CPA4: variants seen among roughly 807,000 people sequenced by gnomAD.
CPA4 encodes the protein carboxypeptidase A4, also known as carboxypeptidase A3.
CPA4 carries 49 observed loss-of-function variants against 54.7 expected under a neutral mutation model. The observed-to-expected ratio is 0.90, with a 90% CI of 0.71 to 1.14. The LOEUF (loss-of-function observed/expected upper bound fraction) is 1.14. Among genes scored for constraint, CPA4 ranks in the 50% most tolerant of loss-of-function variants. The pLI, the probability that CPA4 is intolerant of heterozygous loss-of-function variation, is 0.00. For missense variants in CPA4, 487 were observed against 525.1 expected, an observed-to-expected ratio of 0.93 and a Z score of 0.71; for synonymous variants, 215 against 206.8, an observed-to-expected ratio of 1.04 and a Z score of -0.34.
At chr7:130,293,648 C>A in intron 1 of CPA4, 1 of 204,664 alleles carries the variant, frequency 4.9e-6, no homozygotes, top group South Asian at 7.8e-5. Context: ...TTCCGCCATG[C>A]ATAAAGGGAA....
rs142868303 is a variant in CPA4, at chr7:130,300,175, A to G, written c.286-641A>G. ...GTTATAAGAATTTCTTTGTTTCTGA[A>G]TGGTTTCCCAAGCTGTGTATTTCAG... is the stretch of plus-strand genomic sequence containing the variant. On this transcript the variant is annotated intron_variant, in intron 3 of 10. Coordinates refer to ENST00000222482, the MANE Select transcript of CPA4 (RefSeq NM_016352.4). Among the ~76,000 whole-genome samples the G allele has an allele frequency of 8.3e-3, 1,261 of 152,134 alleles. 16 individuals are homozygous for G. The highest frequency in any genetic ancestry group is 0.028 in the African/African-American group (1,143 of 41,490).
intron 1 of CPA4, 46 bp downstream of exon 1, chr7:130,293,294 G>A: frequency 9.4e-7 from 1 of 1,069,124 alleles, no homozygotes; most frequent in Admixed American, 1.7e-5. Context: ...AGAAATATGG[G>A]AGCCAAATGG....
intron 8 of CPA4, among the ~76,000 whole-genome samples, chr7:130,309,552 GA>G (rs1793879968): frequency 6.6e-6 from 1 of 152,146 alleles, no homozygotes; most frequent in South Asian, 2.1e-4. Context: ...ACCCTCCACA[GA>G]AGTGCCGACT....
At chr7:130,305,533 C>T (rs1040602913) in intron 5 of CPA4, among the ~76,000 whole-genome samples, 4 of 152,226 alleles carry the variant, frequency 2.6e-5, no homozygotes, top group Non-Finnish European at 4.4e-5. Flanking sequence ...AACATTATCT[C>T]TAATGGCACC....
intron 10 of CPA4, among the ~76,000 whole-genome samples, chr7:130,319,695 G>T (rs1794056464): frequency 6.6e-6 from 1 of 152,168 alleles, no homozygotes; most frequent in African/African-American, 2.4e-5. Flanking sequence ...GGGCGGAGCT[G>T]TACAGGAACA....
rs1197423716 is a variant in CPA4 at position 130,293,179 on chromosome 7, A to G, written c.-2A>G. The G allele has an allele frequency of 1.2e-6, 2 of 1,605,714 alleles. No individual in the cohort carries two copies. The highest frequency in any genetic ancestry group is 1.7e-6 in the Non-Finnish European group (2 of 1,172,526). ...CCACTGTATGACTGACTCCCCGGGG[A>G]CATGAGGTGGATACTGTTCATTGGG... On this transcript the variant is annotated 5_prime_UTR_variant, in exon 1 of 11. Coordinates refer to ENST00000222482, the MANE Select transcript of CPA4 (RefSeq NM_016352.4).
intron 5 of CPA4, 44 bp downstream of exon 5, chr7:130,304,623 C>T (rs1419632737): frequency 1.7e-6 from 2 of 1,152,264 alleles, no homozygotes; most frequent in East Asian, 4.7e-5. Flanking sequence ...GTCCTCATGC[C>T]CAGGACCCAG....
intron 5 of CPA4, among the ~76,000 whole-genome samples, chr7:130,305,258 A>G (rs1793802060): frequency 6.6e-6 from 1 of 152,172 alleles, no homozygotes; most frequent in South Asian, 2.1e-4. Context: ...CCTGCCACGG[A>G]GCTGGATAAT....
intron 4 of CPA4, among the ~76,000 whole-genome samples, chr7:130,302,021 G>A (rs1241668985): frequency 6.6e-6 from 1 of 152,222 alleles, no homozygotes; most frequent in Non-Finnish European, 1.5e-5. Context: ...CCTGCCGACT[G>A]CTGGAGCCTC....
chr7:130,304,949 C>G (rs1469323314), intron 5 of CPA4, among the ~76,000 whole-genome samples: 1 of 152,162 alleles, frequency 6.6e-6, no homozygotes, highest in African/African-American at 2.4e-5. Context: ...ACTGGAAAAT[C>G]AACTTAGGAA....
In CPA4 at chr7:130,305,876, C is replaced by T. The variant is rs1350070048; in HGVS notation, c.547C>T (p.Arg183Ter). The T allele has an allele frequency of 2.5e-6, 4 of 1,614,144 alleles. No homozygotes were observed. The highest frequency in any genetic ancestry group is 2.2e-5 in the East Asian group (1 of 44,878). Residue 183 changes from arginine (R) to a stop codon, truncating the protein, a stop_gained, in exon 6 of 11, where the codon CGA becomes TGA. Coordinates refer to ENST00000222482, the MANE Select transcript of CPA4 (RefSeq NM_016352.4). LOFTEE classifies it high-confidence loss of function. ...AVWLNAGIHS[R>*]EWISQATAIW... ...TTGGCTGAATGCAGGCATCCATTCC[C>T]GAGAGTGGATCTCCCAGGCCACTGC...
intron 4 of CPA4, among the ~76,000 whole-genome samples, chr7:130,303,076 C>T (rs761858523): frequency 1.3e-5 from 2 of 152,136 alleles, no homozygotes; most frequent in Non-Finnish European, 2.9e-5. Context: ...TTCGGTCTAC[C>T]GTATTGACGG....
rs35924272 is a variant in CPA4, at chr7:130,305,911, G to T, written c.582G>T (p.Thr194=). Residue 194 remains threonine, a synonymous_variant, in exon 6 of 11, where the codon ACG becomes ACT. Transcript: ENST00000222482. The stretch of plus-strand genomic sequence containing the variant: ...TCTCCCAGGCCACTGCAATCTGGAC[G>T]GCAAGGAAGGTCATGCTGCGTGGTA... ...EWISQATAIW[T]ARKIVSDYQR... The T allele has an allele frequency of 1.2e-6, 2 of 1,612,802 alleles. No individual in the cohort carries two copies. The highest frequency in any genetic ancestry group is 2.2e-5 in the East Asian group (1 of 44,880).
intron 3 of CPA4, 185 bp downstream of exon 3, chr7:130,299,589 A>C: frequency 1.7e-6 from 1 of 582,856 alleles, no homozygotes; most frequent in Non-Finnish European, 3.0e-6. Context: ...TAGAAAGGGC[A>C]TAAATAGGCC....
intron 1 of CPA4, among the ~76,000 whole-genome samples, chr7:130,297,169 G>T (rs1419074923): frequency 2.6e-5 from 4 of 152,144 alleles, no homozygotes; most frequent in Non-Finnish European, 5.9e-5. Context: ...TGTCCAGGAT[G>T]ATCTTGACCT....
At chr7:130,309,215 G>C (rs1793874987) in intron 8 of CPA4, among the ~76,000 whole-genome samples, 1 of 152,194 alleles carries the variant, frequency 6.6e-6, no homozygotes, top group Admixed American at 6.5e-5. Context: ...GTCTTCCCGA[G>C]AGAATGGTGG....
At chr7:130,293,864 A>G (rs184304410) in intron 1 of CPA4, among the ~76,000 whole-genome samples, 311 of 152,184 alleles carry the variant, frequency 2.0e-3, no homozygotes, top group Non-Finnish European at 3.4e-3. Context: ...GCAGAGACAC[A>G]TGCCTGAACA....
intron 1 of CPA4, among the ~76,000 whole-genome samples, chr7:130,296,551 T>C (rs1212556750): frequency 1.3e-5 from 2 of 152,214 alleles, no homozygotes; most frequent in East Asian, 1.9e-4. Flanking sequence ...GTCCTCCTTT[T>C]TTCTCCTCCT....
Position 130,306,681 on chromosome 7 carries a change from A to G in CPA4, c.592-106A>G. ...TTTTGAGGGTGGATGCTGTTCTAGG[A>G]GCATTCATTCTAGCTGGTTGCTGGG... On this transcript the variant is annotated intron_variant, in intron 6 of 10. Transcript: ENST00000222482. The G allele has an allele frequency of 2.9e-6, 2 of 699,002 alleles. 1 individual carries two copies. The highest frequency in any genetic ancestry group is 3.3e-5 in the South Asian group (2 of 60,434). The allele number at this position is 699,002 out of a possible 1,614,324, so 43.3% of individuals were successfully genotyped here.
Sources: gnomAD v4.1 joint callset for allele counts (sites outside exome capture counted in the v4.1 genomes callset) on GRCh38, gnomAD v4.1.1 for gene constraint, MANE v1.5 for transcripts, NCBI Gene and HGNC (gene_info 2026-07-23, HGNC 2026-07-21) for gene names.